FGF14: variants seen among roughly 807,000 people sequenced by gnomAD.
FGF14 encodes the protein fibroblast growth factor 14, also known as fibroblast growth factor homologous factor 4.
In FGF14, 5 loss-of-function variants were observed where a neutral mutation model predicts 25.5. The ratio of observed to expected loss-of-function variants is 0.20; its 90% CI spans 0.10 to 0.41. The LOEUF is 0.41. Ranked by LOEUF, FGF14 falls within the 10% of genes least tolerant of loss-of-function variation. The pLI, the probability that FGF14 is intolerant of heterozygous loss-of-function variation, is 1.00. For missense variants in FGF14, 222 were observed against 320.1 expected (o/e 0.69, Z 2.34); for synonymous variants, 138 against 118.3 (o/e 1.17, Z -1.08).
chr13:102,246,804 A>G (rs1309402178), intron 1 of FGF14, among the ~76,000 whole-genome samples: 1 of 151,948 alleles, frequency 6.6e-6, no homozygotes, highest in Non-Finnish European at 1.5e-5. Context: ...GAGCAAAAAG[A>G]ACAAAACTGG....
chr13:101,988,079 A>C (rs1258750835), intron 1 of FGF14, among the ~76,000 whole-genome samples: 2 of 152,098 alleles, frequency 1.3e-5, no homozygotes, highest in African/African-American at 4.8e-5. Context: ...AGGAAAATAC[A>C]ATAATTTAGT....
chr13:102,276,863 A>G (rs550595830), intron 1 of FGF14, among the ~76,000 whole-genome samples: 55 of 152,334 alleles, frequency 3.6e-4, no homozygotes, highest in African/African-American at 1.3e-3. Flanking sequence ...AAACAATAAT[A>G]GGATAAAGTT....
intron 1 of FGF14, among the ~76,000 whole-genome samples, chr13:102,161,626 A>AAGAAGAAGAAGAAGG (rs2047703745): frequency 9.2e-5 from 1 of 10,848 alleles, no homozygotes; most frequent in Non-Finnish European, 1.4e-4. Context: ...GAAGAAGAAG[A>AAGAAGAAGAAGAAGG]AGAAGAAGAA....
chr13:101,732,471 C>G (rs999204949), intron 3 of FGF14, among the ~76,000 whole-genome samples: 1 of 152,048 alleles, frequency 6.6e-6, no homozygotes, highest in African/African-American at 2.4e-5. Flanking sequence ...TATTACTAAC[C>G]TCTATTTTCC....
intron 1 of FGF14, among the ~76,000 whole-genome samples, chr13:102,141,569 CATG>C (rs1340452832): frequency 2.6e-5 from 4 of 152,134 alleles, no homozygotes; most frequent in Non-Finnish European, 4.4e-5. Context: ...ACCTGAAAAT[CATG>C]AGGAGTTATA....
chr13:102,149,028 T>C (rs1292491047), intron 1 of FGF14, among the ~76,000 whole-genome samples: 10 of 152,122 alleles, frequency 6.6e-5, no homozygotes. Context: ...CATAGAAAAC[T>C]GCAACTTTTT....
At chr13:101,865,086 T>C (rs1423068571) in intron 3 of FGF14, among the ~76,000 whole-genome samples, 1 of 152,184 alleles carries the variant, frequency 6.6e-6, no homozygotes, top group Non-Finnish European at 1.5e-5. Flanking sequence ...TTTACGTCCT[T>C]CTTTTTCTTC....
At chr13:102,175,929 G>A (rs1479872178) in intron 1 of FGF14, among the ~76,000 whole-genome samples, 1 of 152,042 alleles carries the variant, frequency 6.6e-6, no homozygotes, top group African/African-American at 2.4e-5. Context: ...AGATGTTGGC[G>A]AGGATGTGGA....
chr13:102,018,964 A>C (rs1476648059), intron 1 of FGF14, among the ~76,000 whole-genome samples: 1 of 152,164 alleles, frequency 6.6e-6, no homozygotes, highest in Non-Finnish European at 1.5e-5. Flanking sequence ...TGCTCAATCA[A>C]GGCTGAGAAT....
At chr13:102,194,245 ATGTAT>A (rs2049248680) in intron 1 of FGF14, among the ~76,000 whole-genome samples, 3 of 152,162 alleles carry the variant, frequency 2.0e-5, no homozygotes, top group Admixed American at 2.0e-4. Context: ...ACACATTAAA[ATGTAT>A]TGTAAATGCT....
intron 1 of FGF14, among the ~76,000 whole-genome samples, chr13:102,325,885 T>C (rs2056409686): frequency 6.6e-6 from 1 of 152,248 alleles, no homozygotes; most frequent in South Asian, 2.1e-4. Context: ...AAACTGTGAC[T>C]AATGTGAACA....
intron 1 of FGF14, among the ~76,000 whole-genome samples, chr13:102,361,716 T>C (rs1020562248): frequency 2.6e-5 from 4 of 152,222 alleles, no homozygotes; most frequent in African/African-American, 9.6e-5. Flanking sequence ...CTTTGAACAC[T>C]ATTTTGAATT....
chr13:101,838,215 G>A (rs2043020472), intron 3 of FGF14, among the ~76,000 whole-genome samples: 1 of 151,862 alleles, frequency 6.6e-6, no homozygotes, highest in African/African-American at 2.4e-5. Flanking sequence ...GACATATACA[G>A]TCCTCAATAG....
chr13:101,899,327 AT>A (rs1286195915), intron 1 of FGF14, among the ~76,000 whole-genome samples: 5 of 152,102 alleles, frequency 3.3e-5, no homozygotes, highest in Non-Finnish European at 4.4e-5. Context: ...AATTAAAAAA[AT>A]AAATACATAT....
chr13:101,955,586 A>G (rs546178087), intron 1 of FGF14, among the ~76,000 whole-genome samples: 2 of 152,362 alleles, frequency 1.3e-5, no homozygotes, highest in South Asian at 4.1e-4. Flanking sequence ...TATAGATGAC[A>G]GCATTGGATG....
At chr13:101,801,434 G>C (rs1315333023) in intron 3 of FGF14, among the ~76,000 whole-genome samples, 1 of 151,722 alleles carries the variant, frequency 6.6e-6, no homozygotes, top group African/African-American at 2.4e-5. Context: ...CTCTGCTGTT[G>C]TAATGTGAAA....
At chr13:102,299,925 T>C (rs1486615593) in intron 1 of FGF14, 1 of 152,166 alleles carries the variant, frequency 6.6e-6, no homozygotes. Context: ...AAAAATTGAA[T>C]TGAACCATTA....
chr13:101,948,110 G>A (rs1045309113), intron 1 of FGF14, among the ~76,000 whole-genome samples: 2 of 152,172 alleles, frequency 1.3e-5, no homozygotes, highest in Non-Finnish European at 2.9e-5. Context: ...GTCAAAAGAT[G>A]TTTTCGATAT....
chr13:101,868,332 C>T (rs1168296564), intron 3 of FGF14: 1 of 200,166 alleles, frequency 5.0e-6, no homozygotes, highest in African/African-American at 2.4e-5. Context: ...AATATCCACA[C>T]AATTTGAATT....
Sources: allele counts gnomAD v4.1 joint callset (sites outside exome capture counted in the v4.1 genomes callset), GRCh38; gene constraint gnomAD v4.1.1; transcripts MANE v1.5; gene names NCBI Gene and HGNC (gene_info 2026-07-23, HGNC 2026-07-21).